Variants in TRAPPC11 observed in about 807,000 individuals in gnomAD.
TRAPPC11 encodes foie gras homolog.
TRAPPC11 carries 104 observed loss-of-function variants against 151.2 expected under a neutral mutation model. The observed-to-expected ratio is 0.69, with a 90% CI of 0.59 to 0.81. The LOEUF (loss-of-function observed/expected upper bound fraction) is 0.81, where lower values mean the gene tolerates loss of function less well. TRAPPC11 is among the 30% of genes least tolerant of loss of function. The pLI is 0.00. For missense variants in TRAPPC11, 1,230 were observed against 1,349.6 expected, an observed-to-expected ratio of 0.91 and a Z score of 1.39; for synonymous variants, 456 against 472.3, an observed-to-expected ratio of 0.97 and a Z score of 0.45.
intron 3 of TRAPPC11, 140 bp from the exon 4 acceptor site, chr4:183,666,920 A>G: frequency 1.7e-6 from 1 of 581,058 alleles, no homozygotes; most frequent in East Asian, 2.8e-5. Context: ...CTTTGTGTGC[A>G]GGAAAAGATT....
At position 183,668,069 on chromosome 4, in the gene TRAPPC11, C is replaced by A. The variant is rs1328868472; in HGVS notation, c.512C>A (p.Ser171Tyr). 3 of 1,613,782 alleles carry A rather than the reference C, an allele frequency of 1.9e-6. No individual in the cohort carries two copies. Among genetic ancestry groups the A allele is most frequent in the Non-Finnish European group, 1.7e-6 (2 of 1,179,756 alleles). ...AATGCATGTGAACTCTCAGGAAAGT[C>A]TTTGTTTGTACTGCCGCACACTGAC... ...LCNACELSGK[S>Y]LFVLPHTDHL... is the part of the protein sequence containing the mutation. Residue 171 changes from serine (S) to tyrosine (Y), a missense_variant, in exon 5 of 30, where the codon TCT becomes TAT. Ser to Tyr is a moderately radical substitution (Grantham distance 144). Transcript: ENST00000334690.
intron 18 of TRAPPC11, among the ~76,000 whole-genome samples, chr4:183,688,735 G>A (rs966743927): frequency 3.6e-5 from 5 of 138,230 alleles, no homozygotes; most frequent in South Asian, 2.2e-4. Context: ...GTGTGTGTGC[G>A]TGTGTGTGTG....
chr4:183,665,686 C>T (rs1277786376), intron 2 of TRAPPC11, among the ~76,000 whole-genome samples: 1 of 152,228 alleles, frequency 6.6e-6, no homozygotes, highest in Non-Finnish European at 1.5e-5. Flanking sequence ...AAATCTACAG[C>T]ATCCTCTTCC....
intron 18 of TRAPPC11, among the ~76,000 whole-genome samples, chr4:183,687,863 A>G (rs1481506678): frequency 1.3e-5 from 2 of 152,180 alleles, no homozygotes; most frequent in Non-Finnish European, 2.9e-5. Flanking sequence ...CACACCCTCT[A>G]CGTTAACTTC....
chr4:183,662,773 T>C (rs1007679156), intron 1 of TRAPPC11, among the ~76,000 whole-genome samples: 2 of 152,112 alleles, frequency 1.3e-5, no homozygotes, highest in African/African-American at 4.8e-5. Context: ...TCAATATATT[T>C]TTCTTTTATA....
At position 183,663,985 on chromosome 4, in the gene TRAPPC11, T is replaced by C. The variant is rs199564084; in HGVS notation, c.118T>C (p.Phe40Leu). 2 of 1,614,122 alleles carry C rather than the reference T, an allele frequency of 1.2e-6. No homozygotes were observed. Among genetic ancestry groups the C allele is most frequent in the South Asian group, 1.1e-5 (1 of 91,084 alleles). Residue 40 changes from phenylalanine (F) to leucine (L), a missense_variant, in exon 2 of 30, where the codon TTC becomes CTC. By Grantham distance (22) the Phe-to-Leu change is conservative. Transcript: ENST00000334690. ...AGTCCATCGAGCTGTCTGGGACGCC[T>C]TCTGTGCAAATCGGAGAGCTGATCG... ...NAVHRAVWDA[F>L]CANRRADRVP...
intron 1 of TRAPPC11, among the ~76,000 whole-genome samples, chr4:183,661,404 C>G (rs1734516898): frequency 7.9e-6 from 1 of 125,860 alleles, no homozygotes; most frequent in Non-Finnish European, 1.6e-5. Context: ...AGTCTCCTCG[C>G]TCTGTCGCCC....
chr4:183,686,804 A>C, intron 18 of TRAPPC11, 56 bp downstream of exon 18: 1 of 1,569,736 alleles, frequency 6.4e-7, no homozygotes, highest in East Asian at 2.2e-5. Flanking sequence ...AGCTTATGTT[A>C]AACTAGATAA....
intron 27 of TRAPPC11, 130 bp from the exon 28 acceptor site, chr4:183,706,677 C>T (rs564299650): frequency 7.0e-5 from 68 of 974,026 alleles, no homozygotes; most frequent in African/African-American, 3.8e-4. Flanking sequence ...TTTTCTTATC[C>T]GGCAAGAGTA....
rs1310255968 is a variant in TRAPPC11 at position 183,709,829 on chromosome 4, G to GT, written c.3357+1258dup. Reference sequence around the variant, plus strand: ...ATCTCATAATTTTGGATATCCTTGTGTTTAAACGCTTTTTAAATATTTTCG... The same window carrying GT: ...ATCTCATAATTTTGGATATCCTTGTGTTTTAAACGCTTTTTAAATATTTTCG... On this transcript the variant is annotated intron_variant, in intron 29 of 29. Coordinates refer to ENST00000334690, the MANE Select transcript of TRAPPC11 (RefSeq NM_021942.6). 2.0e-5 allele frequency among the ~76,000 whole-genome samples: 3 copies of GT among 152,234 alleles called. No individual in the cohort carries two copies. In the East Asian group the frequency reaches 5.8e-4, roughly 29 times the overall value.
intron 18 of TRAPPC11, among the ~76,000 whole-genome samples, chr4:183,689,526 T>A: frequency 6.6e-6 from 1 of 152,114 alleles, no homozygotes; most frequent in South Asian, 2.1e-4. Context: ...GTAAATTACC[T>A]GTTTTTCCTT....
At chr4:183,697,427 A>G in intron 23 of TRAPPC11, 76 bp from the exon 24 acceptor site, 1 of 1,326,300 alleles carries the variant, frequency 7.5e-7, no homozygotes, top group Non-Finnish European at 1.1e-6. Context: ...TTGATCAGTG[A>G]TAGGTTGTGT....
At chr4:183,701,597 G>A in intron 25 of TRAPPC11, 100 bp from the exon 26 acceptor site, 1 of 780,774 alleles carries the variant, frequency 1.3e-6, no homozygotes, top group Middle Eastern at 3.2e-4. Flanking sequence ...GTAATATATA[G>A]TGGGTGAGGT....
intron 10 of TRAPPC11, 95 bp downstream of exon 10, chr4:183,680,362 T>C: frequency 7.5e-7 from 1 of 1,334,852 alleles, no homozygotes; most frequent in Non-Finnish European, 9.9e-7. Flanking sequence ...TTTTTCCAAG[T>C]CTTTAAATTT....
intron 8 of TRAPPC11, 140 bp downstream of exon 8, chr4:183,677,694 T>C: frequency 1.7e-6 from 1 of 601,244 alleles, no homozygotes; most frequent in Non-Finnish European, 3.0e-6. Flanking sequence ...ATATCCTTTT[T>C]CTCAGAAGGG....
At chr4:183,680,376 T>C in intron 10 of TRAPPC11, 109 bp downstream of exon 10, 1 of 1,215,060 alleles carries the variant, frequency 8.2e-7, no homozygotes, top group Non-Finnish European at 1.1e-6. Context: ...TAAATTTAAT[T>C]AGTTTTTATT....
intron 25 of TRAPPC11, among the ~76,000 whole-genome samples, chr4:183,700,695 T>C (rs764577621): frequency 4.6e-5 from 7 of 152,196 alleles, no homozygotes; most frequent in Non-Finnish European, 8.8e-5. Flanking sequence ...ACAGGCTGAG[T>C]ATCTCTTACC....
chr4:183,661,473 G>A (rs1277734193), intron 1 of TRAPPC11, among the ~76,000 whole-genome samples: 2 of 141,152 alleles, frequency 1.4e-5, no homozygotes, highest in Non-Finnish European at 3.0e-5. Context: ...CCGGGTTCAC[G>A]CCATTCTCCT....
At chr4:183,663,734 T>A in intron 1 of TRAPPC11, 113 bp from the exon 2 acceptor site, 1 of 587,228 alleles carries the variant, frequency 1.7e-6, no homozygotes, top group Admixed American at 3.2e-5. Flanking sequence ...TGAATATGAG[T>A]TGTTTTTTTT....
Sources: gnomAD v4.1 joint callset for allele counts (sites outside exome capture counted in the v4.1 genomes callset) on GRCh38, gnomAD v4.1.1 for gene constraint, MANE v1.5 for transcripts, NCBI Gene and HGNC (gene_info 2026-07-23, HGNC 2026-07-21) for gene names.